The following ASTN1 variants were observed in gnomAD, a reference collection of about 807,000 sequenced individuals.
ASTN1 encodes the protein astrotactin 1.
Under a neutral mutation model 140.7 loss-of-function variants are expected in ASTN1, and 41 were observed. The ratio of observed to expected loss-of-function variants is 0.29; its 90% CI spans 0.23 to 0.38. ASTN1 has a LOEUF of 0.38. Ranked by LOEUF, ASTN1 falls within the 10% of genes least tolerant of loss-of-function variation. The probability of loss-of-function intolerance (pLI) is 1.00; values close to 1 mark genes in which losing one functional copy is unlikely to be tolerated. For missense variants in ASTN1, 1,479 were observed against 1,678.8 expected (o/e 0.88, Z 2.08); for synonymous variants, 640 against 652.2 (o/e 0.98, Z 0.29).
chr1:176,868,868 C>T lies in ASTN1; in HGVS notation c.3623G>A (p.Arg1208Gln), dbSNP rs768973979. ...CCTGGGACCTAACTCATCCTCACAT[C>T]GCCAGGTGAATTCCCCAAAACTCTC... Reference protein sequence around the residue: ...HYESFGEFTWRCEDELGPRKA... With the variant: ...HYESFGEFTWQCEDELGPRKA... Residue 1208 changes from arginine to glutamine, a missense_variant, in exon 22 of 23, where the codon CGA becomes CAA. Around this residue, in one of 3 missense-constraint regions of ASTN1, gnomAD observed 746 missense variants for 800.9 expected, o/e 0.93. Transcript: ENST00000361833. The T allele has an allele frequency of 1.9e-6, 3 of 1,606,336 alleles. No homozygotes were observed. Among genetic ancestry groups the T allele is most frequent in the Non-Finnish European group, 1.7e-6 (2 of 1,175,482 alleles).
rs540423948 is a variant in ASTN1 at position 176,918,161 on chromosome 1, C to A, written c.2671+15991G>T. Among the ~76,000 whole-genome samples, 4 of 152,120 alleles carry A rather than the reference C, an allele frequency of 2.6e-5. No individual in the cohort carries two copies. The South Asian group carries it at 6.3e-4, about 24-fold the overall frequency. ...GACTGTTTCTTCGTAGTCTTCTTTGCGGCACCCCCTACCCCAACCTTTCCT... is the reference window on the plus strand; with the variant it reads ...GACTGTTTCTTCGTAGTCTTCTTTGAGGCACCCCCTACCCCAACCTTTCCT... On this transcript the variant is annotated intron_variant, in intron 16 of 22. Transcript: ENST00000361833.
At chr1:177,086,827 A>G (rs926956654) in intron 1 of ASTN1, among the ~76,000 whole-genome samples, 51 of 152,332 alleles carry the variant, frequency 3.3e-4, no homozygotes, top group African/African-American at 1.2e-3. Context: ...TTCCATGTTC[A>G]ATAAATAGTT....
chr1:177,104,553 C>T (rs1433215991), intron 1 of ASTN1, among the ~76,000 whole-genome samples: 1 of 152,102 alleles, frequency 6.6e-6, no homozygotes, highest in East Asian at 1.9e-4. Context: ...TTAATATTCC[C>T]CACATACGTT....
intron 22 of ASTN1, among the ~76,000 whole-genome samples, chr1:176,868,360 G>A (rs185905447): frequency 1.2e-4 from 19 of 152,206 alleles, no homozygotes; most frequent in South Asian, 2.1e-4. Flanking sequence ...CCCTAGCTCC[G>A]GCCAAGATTG....
chr1:177,085,078 A>G (rs35478604), intron 1 of ASTN1, among the ~76,000 whole-genome samples: 2 of 152,228 alleles, frequency 1.3e-5, no homozygotes, highest in Non-Finnish European at 2.9e-5. Context: ...GAAGGAAAGC[A>G]TAAGAAATGA....
At chr1:176,967,330 G>A (rs971694035) in intron 8 of ASTN1, among the ~76,000 whole-genome samples, 4 of 152,098 alleles carry the variant, frequency 2.6e-5, no homozygotes, top group Non-Finnish European at 4.4e-5. Context: ...ACAGAAAAAG[G>A]TGGTTTATGC....
intron 7 of ASTN1, among the ~76,000 whole-genome samples, chr1:177,019,591 A>G (rs1405437066): frequency 6.6e-6 from 1 of 152,180 alleles, no homozygotes; most frequent in Non-Finnish European, 1.5e-5. Context: ...TCCAAGTTCA[A>G]ATTGGAAAGC....
chr1:176,989,670 A>G (rs1674069827), intron 8 of ASTN1, among the ~76,000 whole-genome samples: 1 of 152,178 alleles, frequency 6.6e-6, no homozygotes, highest in Admixed American at 6.5e-5. Flanking sequence ...AAGACGAAGA[A>G]GAGAAGAGAA....
Position 176,982,065 on chromosome 1 carries a change from A to T in ASTN1, c.1524-16828T>A, listed in dbSNP as rs371137492. Among the ~76,000 whole-genome samples, 27 of 152,316 alleles carry T rather than the reference A, an allele frequency of 1.8e-4. No individual in the cohort carries two copies. The East Asian group carries it at 5.0e-3, about 28-fold the overall frequency. On this transcript the variant is annotated intron_variant, in intron 8 of 22. Coordinates refer to ENST00000361833, the MANE Select transcript of ASTN1 (RefSeq NM_004319.3). ...GAAGAGTCTTAAGCATGCAGAATTC[A>T]GTCAGTAAAGGGGCTTTTACAACTA...
intron 8 of ASTN1, among the ~76,000 whole-genome samples, chr1:176,967,222 C>G (rs978086296): frequency 3.9e-5 from 6 of 152,176 alleles, no homozygotes; most frequent in Non-Finnish European, 7.3e-5. Context: ...ATAACTCTTG[C>G]ATCAAATAAA....
chr1:177,020,776 T>C (rs1675783269), intron 7 of ASTN1, among the ~76,000 whole-genome samples: 1 of 152,190 alleles, frequency 6.6e-6, no homozygotes. Context: ...CACTTGGGGA[T>C]GCTCTTAGGA....
chr1:176,956,950 T>A (rs747356055), intron 11 of ASTN1, among the ~76,000 whole-genome samples: 54 of 152,190 alleles, frequency 3.5e-4, no homozygotes, highest in Non-Finnish European at 6.6e-4. Flanking sequence ...CAGGTTGAAG[T>A]GCAGTGGCAA....
At chr1:176,957,969 C>A in intron 10 of ASTN1, 141 bp from the exon 11 acceptor site, 1 of 1,139,432 alleles carries the variant, frequency 8.8e-7, no homozygotes, top group Non-Finnish European at 1.2e-6. Context: ...AACTATACTC[C>A]AAGCCTTGAA....
chr1:176,924,034 G>A (rs1176850613), intron 16 of ASTN1, among the ~76,000 whole-genome samples: 2 of 152,136 alleles, frequency 1.3e-5, no homozygotes, highest in Non-Finnish European at 2.9e-5. Context: ...CTAGCCATAT[G>A]CTTACTTCTC....
intron 1 of ASTN1, among the ~76,000 whole-genome samples, chr1:177,067,617 A>G (rs1430548760): frequency 6.6e-6 from 1 of 152,192 alleles, no homozygotes; most frequent in Admixed American, 6.5e-5. Flanking sequence ...TAAGAAAATA[A>G]CCTGCTTAAG....
At chr1:177,041,475 G>T (rs1676968572) in intron 2 of ASTN1, among the ~76,000 whole-genome samples, 1 of 152,214 alleles carries the variant, frequency 6.6e-6, no homozygotes, top group Non-Finnish European at 1.5e-5. Flanking sequence ...GGGCAGAGCT[G>T]CATGAGACAG....
chr1:176,969,980 C>T (rs190871464), intron 8 of ASTN1, among the ~76,000 whole-genome samples: 3 of 152,360 alleles, frequency 2.0e-5, no homozygotes, highest in East Asian at 1.9e-4. Flanking sequence ...CCCATTGTAA[C>T]GGATGCACAG....
At chr1:176,937,978 A>C (rs1287075707) in intron 14 of ASTN1, among the ~76,000 whole-genome samples, 1 of 152,216 alleles carries the variant, frequency 6.6e-6, no homozygotes, top group Non-Finnish European at 1.5e-5. Flanking sequence ...TGTGTGAATC[A>C]TATGGGAATA....
chr1:177,089,161 T>C (rs6673537), intron 1 of ASTN1, among the ~76,000 whole-genome samples: 71,366 of 151,946 alleles, frequency 0.47, 18,111 homozygotes, highest in Non-Finnish European at 0.57. Flanking sequence ...ACCCAGAAGC[T>C]GACGCCCTAA....
Sources: allele counts gnomAD v4.1 joint callset (sites outside exome capture counted in the v4.1 genomes callset), GRCh38; gene constraint gnomAD v4.1.1; regional missense constraint gnomAD v4.1.1; transcripts MANE v1.5; gene names NCBI Gene and HGNC (gene_info 2026-07-23, HGNC 2026-07-21).